NRK: variants seen among roughly 807,000 people sequenced by gnomAD.
The protein encoded by NRK is nik-related protein kinase.
A neutral mutation model predicts 125.2 loss-of-function variants in NRK; 67 were observed. That is an observed-to-expected ratio of 0.54 (90% CI 0.44 to 0.66). The LOEUF (loss-of-function observed/expected upper bound fraction) is 0.66, where lower values mean the gene tolerates loss of function less well. NRK is among the 30% of genes least tolerant of loss of function. The pLI is 0.00. For missense variants in NRK, 1,224 were observed against 1,192.9 expected (o/e 1.03, Z -0.38); for synonymous variants, 458 against 429.0 (o/e 1.07, Z -0.84).
chrX:105,841,517 CCTT>C (rs2147653327), intron 2 of NRK, among the ~76,000 whole-genome samples: 1 of 111,053 alleles, frequency 9.0e-6, no homozygotes, highest in South Asian at 3.8e-4. Flanking sequence ...TTGGGTTTGT[CCTT>C]CTTAGCCAGA....
intron 9 of NRK, among the ~76,000 whole-genome samples, chrX:105,901,124 T>C (rs2040151654): frequency 9.0e-6 from 1 of 110,828 alleles, no homozygotes. Flanking sequence ...TTCATTGAAA[T>C]TGAGCTAATG....
At chrX:105,942,634 T>TA (rs2040757913) in intron 23 of NRK, among the ~76,000 whole-genome samples, 1 of 111,708 alleles carries the variant, frequency 9.0e-6, no homozygotes, top group Non-Finnish European at 1.9e-5. Flanking sequence ...CTTTTTTTCT[T>TA]TTGAGGCAGA....
intron 1 of NRK, 106 bp downstream of exon 1, chrX:105,823,008 G>A: frequency 1.3e-6 from 1 of 749,118 alleles, no homozygotes; most frequent in Non-Finnish European, 1.9e-6. Flanking sequence ...CCAGGACTTC[G>A]ACGGGTCCCC....
intron 2 of NRK, among the ~76,000 whole-genome samples, chrX:105,833,305 T>A (rs1569286893): frequency 1.8e-5 from 2 of 111,934 alleles, no homozygotes; most frequent in East Asian, 5.6e-4. Context: ...GATTATTTAA[T>A]ATTTGTGCGA....
At chrX:105,865,801 T>C (rs1456879870) in intron 2 of NRK, among the ~76,000 whole-genome samples, 2 of 110,974 alleles carry the variant, frequency 1.8e-5, no homozygotes, top group Non-Finnish European at 3.8e-5. Flanking sequence ...TCATACAGCC[T>C]TGTAGGCATT....
At chrX:105,951,926 A>G (rs937357134) in intron 27 of NRK, among the ~76,000 whole-genome samples, 8 of 112,892 alleles carry the variant, frequency 7.1e-5, no homozygotes, top group African/African-American at 2.6e-4. Context: ...AAGTAGTCAC[A>G]TAGGTGAAGA....
intron 2 of NRK, among the ~76,000 whole-genome samples, chrX:105,844,949 G>C (rs73531084): frequency 0.11 from 12,731 of 110,945 alleles, 1,809 homozygotes; most frequent in African/African-American, 0.4. Context: ...TTTGAGTTCT[G>C]TTGGTGTTGT....
At chrX:105,915,928 A>G (rs1316737526) in intron 15 of NRK, 131 bp downstream of exon 15, 6 of 392,043 alleles carry the variant, frequency 1.5e-5, no homozygotes, top group South Asian at 1.2e-4. Flanking sequence ...CATTGACTTT[A>G]TTGGCCCACA....
intron 2 of NRK, among the ~76,000 whole-genome samples, chrX:105,858,560 C>G (rs1021080432): frequency 8.1e-5 from 9 of 110,671 alleles, no homozygotes; most frequent in African/African-American, 3.0e-4. Flanking sequence ...CAGCTGTACT[C>G]TCTTCTCAAA....
intron 2 of NRK, among the ~76,000 whole-genome samples, chrX:105,839,740 G>A (rs1284241864): frequency 1.8e-5 from 2 of 111,613 alleles, no homozygotes; most frequent in Non-Finnish European, 3.8e-5. Context: ...TTTTTATTAA[G>A]TTAGTTTTAG....
chrX:105,857,663 A>T (rs1378823337), intron 2 of NRK, among the ~76,000 whole-genome samples: 1 of 110,927 alleles, frequency 9.0e-6, no homozygotes, highest in Non-Finnish European at 1.9e-5. Flanking sequence ...CCCTTAATTT[A>T]CTGGGGGCTT....
rs771874766 is a variant in NRK, at chrX:105,941,555, AAGAGAGAG to A, written c.3958+1553_3958+1560del. Among the ~76,000 whole-genome samples the A allele has an allele frequency of 7.0e-3, 593 of 85,253 alleles. 4 individuals carry two copies. Among genetic ancestry groups the A allele is most frequent in the South Asian group, 0.06 (97 of 1,622 alleles). The allele number at this position is 85,253 out of a possible 115,157, so 74.0% of individuals were successfully genotyped here. On this transcript the variant is annotated intron_variant, in intron 23 of 28. Coordinates refer to ENST00000243300, the MANE Select transcript of NRK (RefSeq NM_198465.4). ...TAAGCTAGACCCAGAGAGAGACAGAAAGAGAGAGAGAGAGAGAGAGAGAGAGAGAGAGA... is the reference window on the plus strand; with the variant it reads ...TAAGCTAGACCCAGAGAGAGACAGAAAGAGAGAGAGAGAGAGAGAGAGAGA...
chrX:105,901,700 TAA>T (rs2040159819), intron 9 of NRK, among the ~76,000 whole-genome samples: 1 of 111,733 alleles, frequency 8.9e-6, no homozygotes, highest in South Asian at 3.8e-4. Flanking sequence ...GGGGCTGGGA[TAA>T]AGCTAGGACA....
intron 2 of NRK, among the ~76,000 whole-genome samples, chrX:105,866,331 A>G (rs1436077359): frequency 1.8e-5 from 2 of 111,716 alleles, no homozygotes; most frequent in Non-Finnish European, 3.8e-5. Flanking sequence ...AAAAACCTCC[A>G]TAAGAATGCA....
Position 105,946,381 on chromosome X carries a change from A to C in NRK, c.4270A>C (p.Lys1424Gln). 1 of 1,196,076 alleles carries C rather than the reference A, an allele frequency of 8.4e-7. No individual in the cohort carries two copies. The highest frequency in any genetic ancestry group is 1.1e-6 in the Non-Finnish European group (1 of 881,483). ...DLAIGSEKRL[K>Q]IFFSSADGYH... ...GGCTATTGGTTCTGAAAAAAGACTA[A>C]AGATTTTCTTCAGCTCAGCAGATGG... is the stretch of plus-strand genomic sequence containing the variant. The change falls in exon 26 of 29, where the codon AAG becomes CAG. Residue 1424 changes from lysine (K) to glutamine (Q), a missense_variant. Lys to Gln is a moderately conservative substitution (Grantham distance 53). Transcript: ENST00000243300.
At chrX:105,914,696 C>T (rs1009663562) in intron 14 of NRK, among the ~76,000 whole-genome samples, 3 of 108,493 alleles carry the variant, frequency 2.8e-5, no homozygotes, top group Admixed American at 2.0e-4. Context: ...GATACTTACC[C>T]TCACCTACTT....
At chrX:105,915,213 A>G (rs2040350642) in intron 14 of NRK, among the ~76,000 whole-genome samples, 1 of 110,981 alleles carries the variant, frequency 9.0e-6, no homozygotes, top group South Asian at 3.8e-4. Context: ...ACTTTTGACT[A>G]GAGAGATTTT....
At chrX:105,905,118 T>C (rs2040204062) in intron 9 of NRK, 147 bp from the exon 10 acceptor site, 2 of 431,967 alleles carry the variant, frequency 4.6e-6, no homozygotes, top group Non-Finnish European at 8.0e-6. Flanking sequence ...CTTTTTCTTT[T>C]GAAATACATT....
At chrX:105,900,076 A>C (rs1220802139) in intron 8 of NRK, among the ~76,000 whole-genome samples, 10 of 109,027 alleles carry the variant, frequency 9.2e-5, no homozygotes, top group Admixed American at 4.0e-4. Context: ...AAAAGTACTA[A>C]ACAGTTGGTA....
Sources: gnomAD v4.1 joint callset for allele counts (sites outside exome capture counted in the v4.1 genomes callset) on GRCh38, gnomAD v4.1.1 for gene constraint, MANE v1.5 for transcripts, NCBI Gene and HGNC (gene_info 2026-07-23, HGNC 2026-07-21) for gene names.